The following GAREM1 variants were observed in gnomAD, a reference collection of about 807,000 sequenced individuals.
GAREM1 encodes GRB2-associated and regulator of MAPK protein 1.
In GAREM1, 26 loss-of-function variants were observed where a neutral mutation model predicts 71.3. The observed-to-expected ratio is 0.36, with a 90% CI of 0.27 to 0.51. The LOEUF is 0.51. Among genes scored for constraint, GAREM1 ranks in the 20% least tolerant of loss-of-function variants. GAREM1 has a pLI of 0.95. For missense variants in GAREM1, 1,026 were observed against 1,103.1 expected, an observed-to-expected ratio of 0.93 and a Z score of 0.99; for synonymous variants, 440 against 433.2, an observed-to-expected ratio of 1.02 and a Z score of -0.20.
At chr18:32,380,474 T>TAAAA (rs35881689) in intron 2 of GAREM1, among the ~76,000 whole-genome samples, 934 of 92,330 alleles carry the variant, frequency 0.01, 13 homozygotes, top group East Asian at 0.066. Flanking sequence ...AGACTTCATT[T>TAAAA]AAAAAAAAAA....
intron 4 of GAREM1, among the ~76,000 whole-genome samples, chr18:32,286,348 G>A (rs1248051912): frequency 6.8e-6 from 1 of 146,898 alleles, no homozygotes; most frequent in Non-Finnish European, 1.5e-5. Context: ...GTGTGTGTGT[G>A]TGTGTGTGTG....
At chr18:32,320,077 A>G (rs1641090345) in intron 2 of GAREM1, among the ~76,000 whole-genome samples, 1 of 152,196 alleles carries the variant, frequency 6.6e-6, no homozygotes, top group Admixed American at 6.5e-5. Context: ...TTCTTGATAC[A>G]TATTGTCAAA....
intron 2 of GAREM1, 138 bp from the exon 3 acceptor site, chr18:32,310,461 C>T (rs983778593): frequency 2.3e-5 from 17 of 733,906 alleles, no homozygotes; most frequent in Non-Finnish European, 3.4e-5. Flanking sequence ...TTTAAAAAGG[C>T]ATTATGGGAG....
intron 2 of GAREM1, among the ~76,000 whole-genome samples, chr18:32,338,385 G>C (rs2047617601): frequency 6.6e-6 from 1 of 152,110 alleles, no homozygotes; most frequent in East Asian, 1.9e-4. Context: ...GAAGACCTAG[G>C]TTCAAACTAG....
chr18:32,329,139 G>C (rs1443934392), intron 2 of GAREM1, among the ~76,000 whole-genome samples: 1 of 152,166 alleles, frequency 6.6e-6, no homozygotes, highest in Non-Finnish European at 1.5e-5. Flanking sequence ...GGGAGGCCTA[G>C]GTGGGAGGAC....
At chr18:32,294,853 G>C (rs1046975863) in intron 3 of GAREM1, among the ~76,000 whole-genome samples, 5 of 152,132 alleles carry the variant, frequency 3.3e-5, no homozygotes, top group African/African-American at 1.2e-4. Context: ...GGTGGTGACA[G>C]TGAGCATTTT....
intron 2 of GAREM1, among the ~76,000 whole-genome samples, chr18:32,343,226 A>G (rs1418232169): frequency 1.3e-5 from 2 of 152,210 alleles, no homozygotes; most frequent in Non-Finnish European, 2.9e-5. Flanking sequence ...AAAATGATAC[A>G]AACTGGAAAG....
intron 1 of GAREM1, among the ~76,000 whole-genome samples, chr18:32,408,484 G>A (rs1043655632): frequency 1.3e-5 from 2 of 152,236 alleles, no homozygotes; most frequent in East Asian, 3.9e-4. Flanking sequence ...AAAATTGTGA[G>A]GAATACAGAT....
chr18:32,296,655 A>C (rs1219141319), intron 3 of GAREM1, among the ~76,000 whole-genome samples: 3 of 151,408 alleles, frequency 2.0e-5, no homozygotes, highest in African/African-American at 7.3e-5. Context: ...CTTTTTCCAT[A>C]GGACTTGTAG....
At chr18:32,398,693 A>G (rs928154153) in intron 1 of GAREM1, among the ~76,000 whole-genome samples, 1 of 152,154 alleles carries the variant, frequency 6.6e-6, no homozygotes, top group African/African-American at 2.4e-5. Flanking sequence ...CCAACCAAAA[A>G]AAGTCCAGGA....
chr18:32,342,286 C>T (rs1190492933), intron 2 of GAREM1, among the ~76,000 whole-genome samples: 3 of 152,128 alleles, frequency 2.0e-5, no homozygotes, highest in Non-Finnish European at 4.4e-5. Context: ...CCATCAATAA[C>T]TCTCCTGGGT....
At chr18:32,413,330 A>G in intron 1 of GAREM1, 1 of 819,948 alleles carries the variant, frequency 1.2e-6, no homozygotes, top group Non-Finnish European at 1.9e-6. Flanking sequence ...TTAAAAACAA[A>G]ACCACATAAA....
intron 2 of GAREM1, among the ~76,000 whole-genome samples, chr18:32,355,561 T>G (rs1356826165): frequency 6.6e-6 from 1 of 152,162 alleles, no homozygotes; most frequent in Non-Finnish European, 1.5e-5. Flanking sequence ...GAAACAAAAA[T>G]CAGACATACT....
At chr18:32,320,931 T>TA (rs1567963494) in intron 2 of GAREM1, among the ~76,000 whole-genome samples, 3 of 152,202 alleles carry the variant, frequency 2.0e-5, no homozygotes, top group African/African-American at 7.2e-5. Context: ...TGGTTGCTAA[T>TA]ACATTATGAA....
chr18:32,287,002 C>T lies in GAREM1; in HGVS notation c.1566+29G>A, dbSNP rs1218363029. On this transcript the variant is annotated intron_variant, in intron 4 of 5. Coordinates refer to ENST00000269209, the MANE Select transcript of GAREM1 (RefSeq NM_001242409.2). The surrounding 1 kb of genome is among the most constrained non-coding windows in gnomAD (Gnocchi z 5.9). ...CTGAGCAGAGAGACAGAAAGACTGG[C>T]ACCGCATTCAAAAACAGAAATGACT... The T allele has an allele frequency of 2.0e-6, 3 of 1,473,634 alleles. No individual in the cohort carries two copies. The highest frequency in any genetic ancestry group is 1.7e-5 in the Admixed American group (1 of 58,276). 91.3% of individuals were successfully genotyped at this position (1,473,634 alleles called of 1,614,324 possible). A position where few individuals can be genotyped will look rare whatever the true frequency, so the allele number is the denominator to read the frequency against.
At position 32,448,911 on chromosome 18, in the gene GAREM1, T is replaced by C. The variant is rs369859184; in HGVS notation, c.121+21397A>G. Among the ~76,000 whole-genome samples, 5 of 152,154 alleles carry C rather than the reference T, an allele frequency of 3.3e-5. 1 individual carries two copies. In the South Asian group the frequency reaches 6.2e-4, roughly 19 times the overall value. On this transcript the variant is annotated intron_variant, in intron 1 of 5. Coordinates refer to ENST00000269209, the MANE Select transcript of GAREM1 (RefSeq NM_001242409.2). ...GCCCTCATGGTTCTTTTTATTTCAA[T>C]AGCGGGATCAGACCTCTCCTTGGTA...
At chr18:32,372,838 AAACAG>A (rs760560438) in intron 2 of GAREM1, among the ~76,000 whole-genome samples, 7 of 152,214 alleles carry the variant, frequency 4.6e-5, no homozygotes, top group Non-Finnish European at 7.3e-5. Context: ...TACTTCCGGA[AAACAG>A]AACAGGACAT....
intron 2 of GAREM1, among the ~76,000 whole-genome samples, chr18:32,336,107 A>G (rs1397294798): frequency 6.6e-6 from 1 of 152,164 alleles, no homozygotes; most frequent in Non-Finnish European, 1.5e-5. Context: ...GTAAACAAAC[A>G]ATAATTAAGG....
At chr18:32,330,410 C>T (rs1368982693) in intron 2 of GAREM1, among the ~76,000 whole-genome samples, 1 of 152,104 alleles carries the variant, frequency 6.6e-6, no homozygotes, top group Non-Finnish European at 1.5e-5. Flanking sequence ...ACTAGGCTCA[C>T]TTACATGGGT....
Sources: allele counts gnomAD v4.1 joint callset (sites outside exome capture counted in the v4.1 genomes callset), GRCh38; gene constraint gnomAD v4.1.1; non-coding constraint Gnocchi (gnomAD v3.1); transcripts MANE v1.5; gene names NCBI Gene and HGNC (gene_info 2026-07-23, HGNC 2026-07-21).